Variants in PPP1R12B observed in about 807,000 individuals in gnomAD.
PPP1R12B encodes the protein myosin phosphatase target subunit 2.
Under a neutral mutation model 126.1 loss-of-function variants are expected in PPP1R12B, and 76 were observed. The observed-to-expected ratio is 0.60, with a 90% CI of 0.50 to 0.73. The LOEUF (loss-of-function observed/expected upper bound fraction) is 0.73, where lower values mean the gene tolerates loss of function less well. Among genes scored for constraint, PPP1R12B ranks in the 30% least tolerant of loss-of-function variants. PPP1R12B has a pLI of 0.00. For synonymous variants in PPP1R12B, 356 were observed against 434.7 expected (o/e 0.82, Z 2.25); for missense variants, 1,052 against 1,205.1 (o/e 0.87, Z 1.88).
intron 1 of PPP1R12B, among the ~76,000 whole-genome samples, chr1:202,389,298 T>C (rs1663687549): frequency 6.6e-6 from 1 of 152,170 alleles, no homozygotes; most frequent in Admixed American, 6.5e-5. Flanking sequence ...GAAAAAGATT[T>C]TGTGATCAAG....
At chr1:202,369,687 T>A (rs977838780) in intron 1 of PPP1R12B, 1 of 177,238 alleles carries the variant, frequency 5.6e-6, no homozygotes, top group African/African-American at 2.4e-5. Context: ...TTGTTCTCAT[T>A]GGCGTCTGTG....
chr1:202,412,618 G>A, intron 1 of PPP1R12B, among the ~76,000 whole-genome samples: 1 of 152,248 alleles, frequency 6.6e-6, no homozygotes. Context: ...TGCAACTCAG[G>A]AAGAAGCAAT....
At chr1:202,384,022 A>G (rs1164570651) in intron 1 of PPP1R12B, among the ~76,000 whole-genome samples, 2 of 152,226 alleles carry the variant, frequency 1.3e-5, no homozygotes, top group Admixed American at 6.5e-5. Flanking sequence ...ACCCACTAGG[A>G]TGGCTTTAAT....
At chr1:202,533,433 G>C (rs1317780289) in intron 18 of PPP1R12B, among the ~76,000 whole-genome samples, 2 of 152,132 alleles carry the variant, frequency 1.3e-5, no homozygotes, top group Admixed American at 1.3e-4. Flanking sequence ...TGGGACTACG[G>C]TGGGCACCAC....
chr1:202,403,974 A>C (rs1426991100), intron 1 of PPP1R12B, among the ~76,000 whole-genome samples: 1 of 152,260 alleles, frequency 6.6e-6, no homozygotes, highest in East Asian at 1.9e-4. Flanking sequence ...CCAGTACCTT[A>C]CTTCAAGACC....
At chr1:202,358,000 T>A (rs1054283278) in intron 1 of PPP1R12B, among the ~76,000 whole-genome samples, 1 of 152,200 alleles carries the variant, frequency 6.6e-6, no homozygotes, top group African/African-American at 2.4e-5. Flanking sequence ...GTACTATATT[T>A]ATCAGTATTT....
intron 23 of PPP1R12B, 106 bp downstream of exon 23, chr1:202,569,303 A>G (rs1172560579): frequency 2.0e-5 from 22 of 1,116,598 alleles, no homozygotes; most frequent in East Asian, 1.0e-4. Flanking sequence ...TACAAACTCA[A>G]TATCTGCAAG....
intron 18 of PPP1R12B, among the ~76,000 whole-genome samples, chr1:202,544,633 C>G (rs1033439457): frequency 6.6e-6 from 1 of 152,024 alleles, no homozygotes; most frequent in Non-Finnish European, 1.5e-5. Context: ...AGGATTTGAC[C>G]TGTATTTATA....
intron 13 of PPP1R12B, chr1:202,471,785 A>T: frequency 8.6e-7 from 1 of 1,165,948 alleles, no homozygotes. Context: ...TTTTTAAAAA[A>T]TGGGTAAAAG....
At chr1:202,494,390 T>C (rs773896705) in intron 15 of PPP1R12B, among the ~76,000 whole-genome samples, 5 of 152,196 alleles carry the variant, frequency 3.3e-5, no homozygotes, top group Non-Finnish European at 5.9e-5. Context: ...ATGCTGAAGC[T>C]AGAATTTGAA....
chr1:202,437,666 G>A (rs1671009043), intron 9 of PPP1R12B, among the ~76,000 whole-genome samples, 155 bp from the exon 10 acceptor site: 1 of 152,220 alleles, frequency 6.6e-6, no homozygotes, highest in African/African-American at 2.4e-5. Flanking sequence ...CTGGGTGAGG[G>A]AGGGAACATG....
chr1:202,487,002 A>G, intron 13 of PPP1R12B, among the ~76,000 whole-genome samples: 1 of 152,228 alleles, frequency 6.6e-6, no homozygotes, highest in Non-Finnish European at 1.5e-5. Flanking sequence ...GGAAAATTAT[A>G]AGCCAATTTC....
Position 202,495,480 on chromosome 1 carries a change from A to G in PPP1R12B, c.2333A>G (p.Asn778Ser). 6.2e-7 allele frequency: 1 copy of G among 1,607,372 alleles called. No homozygotes were observed. Among genetic ancestry groups the G allele is most frequent in the Non-Finnish European group, 8.5e-7 (1 of 1,176,432 alleles). The change falls in exon 16 of 24, where the codon AAT becomes AGT. Residue 778 changes from asparagine to serine, a missense_variant and splice_region_variant. Asn to Ser is a conservative substitution (Grantham distance 46, BLOSUM62 1). Coordinates refer to ENST00000608999, the MANE Select transcript of PPP1R12B (RefSeq NM_002481.4). ...ACAACTGCAAAGGAAATGGACAAAA[A>G]TGGTATGTAGAACTTCAAAAGACAC... ...NTTTAKEMDKNENEEADLDEQ... is the reference protein window; with the variant it reads ...NTTTAKEMDKSENEEADLDEQ...
At chr1:202,562,622 C>A in intron 19 of PPP1R12B, 156 bp from the exon 20 acceptor site, 1 of 900,474 alleles carries the variant, frequency 1.1e-6, no homozygotes, top group Non-Finnish European at 1.9e-6. Context: ...TCTGGGAACG[C>A]TGGCAGAGAG....
chr1:202,541,949 G>C (rs1404439441), intron 18 of PPP1R12B, among the ~76,000 whole-genome samples: 1 of 152,148 alleles, frequency 6.6e-6, no homozygotes, highest in African/African-American at 2.4e-5. Context: ...GTGGTCACTG[G>C]CCGTGGATTC....
At chr1:202,553,771 A>G (rs1320383330) in intron 18 of PPP1R12B, among the ~76,000 whole-genome samples, 3 of 152,040 alleles carry the variant, frequency 2.0e-5, no homozygotes, top group Non-Finnish European at 4.4e-5. Context: ...ACCTCTTAGA[A>G]TCCTCTTCTC....
intron 18 of PPP1R12B, among the ~76,000 whole-genome samples, chr1:202,504,251 G>T (rs1680566066): frequency 6.6e-6 from 1 of 151,964 alleles, no homozygotes; most frequent in Non-Finnish European, 1.5e-5. Flanking sequence ...AAATTAGCTG[G>T]GTGTGATGAC....
At chr1:202,451,721 G>C (rs1330296281) in intron 13 of PPP1R12B, among the ~76,000 whole-genome samples, 1 of 149,174 alleles carries the variant, frequency 6.7e-6, no homozygotes, top group East Asian at 2.1e-4. Flanking sequence ...CGGGCAGAGG[G>C]GCTCCTCACT....
At chr1:202,477,460 A>T (rs1221490440) in intron 13 of PPP1R12B, among the ~76,000 whole-genome samples, 1 of 152,218 alleles carries the variant, frequency 6.6e-6, no homozygotes, top group Non-Finnish European at 1.5e-5. Flanking sequence ...TCACTACACT[A>T]TACCTGTCAA....
Sources: gnomAD v4.1 joint callset for allele counts (sites outside exome capture counted in the v4.1 genomes callset) on GRCh38, gnomAD v4.1.1 for gene constraint, MANE v1.5 for transcripts, NCBI Gene and HGNC (gene_info 2026-07-23, HGNC 2026-07-21) for gene names.